Variants in DMRT1 observed in about 807,000 individuals in gnomAD.
DMRT1 encodes doublesex and mab-3 related transcription factor 1.
DMRT1 carries 7 observed loss-of-function variants against 32.3 expected under a neutral mutation model. The observed-to-expected ratio is 0.22, with a 90% CI of 0.12 to 0.41. The LOEUF is 0.41. DMRT1 is among the 10% of genes least tolerant of loss of function. The probability of loss-of-function intolerance (pLI) is 1.00; values close to 1 mark genes in which losing one functional copy is unlikely to be tolerated. For missense variants in DMRT1, 625 were observed against 500.5 expected (o/e 1.25, Z -2.37); for synonymous variants, 278 against 206.1 (o/e 1.35, Z -2.99).
At chr9:943,633 G>A (rs1819149418) in intron 4 of DMRT1, among the ~76,000 whole-genome samples, 1 of 152,178 alleles carries the variant, frequency 6.6e-6, no homozygotes, top group African/African-American at 2.4e-5. Flanking sequence ...TGGGGATGGT[G>A]GGGATATGTA....
At position 929,876 on chromosome 9, in the gene DMRT1, C is replaced by G. The variant is rs531795593; in HGVS notation, c.967+12969C>G. 2.0e-4 allele frequency among the ~76,000 whole-genome samples: 31 copies of G among 152,178 alleles called. No homozygotes were observed. In the South Asian group the frequency reaches 5.2e-3, roughly 25 times the overall value. ...TAGTGTCTGGGCCTAGCATAATGCTCTGGGAGATGAACCATGAGAGAAGGC... is the reference window on the plus strand; with the variant it reads ...TAGTGTCTGGGCCTAGCATAATGCTGTGGGAGATGAACCATGAGAGAAGGC... On this transcript the variant is annotated intron_variant, in intron 4 of 4. Coordinates refer to ENST00000382276, the MANE Select transcript of DMRT1 (RefSeq NM_021951.3).
intron 2 of DMRT1, among the ~76,000 whole-genome samples, chr9:856,119 G>A (rs1002626913): frequency 6.6e-6 from 1 of 152,100 alleles, no homozygotes; most frequent in South Asian, 2.1e-4. Context: ...GTTTCACCAT[G>A]TTGGCCAGGC....
chr9:879,067 T>C (rs532452733), intron 2 of DMRT1, among the ~76,000 whole-genome samples: 18 of 152,300 alleles, frequency 1.2e-4, no homozygotes, highest in Non-Finnish European at 2.4e-4. Context: ...TAGGACTTTA[T>C]TGCTGTCTAC....
chr9:959,428 C>T (rs557815752), intron 4 of DMRT1, among the ~76,000 whole-genome samples: 1 of 152,346 alleles, frequency 6.6e-6, no homozygotes, highest in South Asian at 2.1e-4. Context: ...TGTGTCCAGG[C>T]TTTGCATAGA....
intron 2 of DMRT1, among the ~76,000 whole-genome samples, chr9:867,876 T>C (rs150816242): frequency 6.6e-6 from 1 of 152,244 alleles, no homozygotes; most frequent in Non-Finnish European, 1.5e-5. Flanking sequence ...TGCTGTGTTA[T>C]TAACATACTA....
chr9:849,789 AG>A (rs1839060298), intron 2 of DMRT1, among the ~76,000 whole-genome samples: 1 of 97,142 alleles, frequency 1.0e-5, no homozygotes, highest in Non-Finnish European at 2.3e-5. Flanking sequence ...TGGCTCCGGG[AG>A]CCTTTACCTT....
chr9:876,819 T>C (rs983728542), intron 2 of DMRT1, among the ~76,000 whole-genome samples: 2 of 152,180 alleles, frequency 1.3e-5, no homozygotes, highest in Non-Finnish European at 2.9e-5. Flanking sequence ...GCATGACCAC[T>C]GTGCCCAGGT....
chr9:909,283 TGCATAATA>T (rs1487062691), intron 3 of DMRT1, among the ~76,000 whole-genome samples: 1 of 152,172 alleles, frequency 6.6e-6, no homozygotes, highest in African/African-American at 2.4e-5. Context: ...CTGAAATGTG[TGCATAATA>T]GCAATCATTT....
At chr9:884,744 G>A (rs1280344616) in intron 2 of DMRT1, among the ~76,000 whole-genome samples, 1 of 152,152 alleles carries the variant, frequency 6.6e-6, no homozygotes, top group Non-Finnish European at 1.5e-5. Flanking sequence ...GCCGAGGCAG[G>A]CAGATATTTG....
At chr9:866,166 A>T (rs1815976169) in intron 2 of DMRT1, among the ~76,000 whole-genome samples, 1 of 148,662 alleles carries the variant, frequency 6.7e-6, no homozygotes, top group Non-Finnish European at 1.5e-5. Flanking sequence ...TCCATCTCAA[A>T]AAAAAAAAAA....
intron 2 of DMRT1, among the ~76,000 whole-genome samples, chr9:888,905 T>C (rs1305367076): frequency 6.6e-6 from 1 of 151,194 alleles, no homozygotes; most frequent in African/African-American, 2.4e-5. Flanking sequence ...GGCAGGAGGA[T>C]ATCTTGAGCC....
chr9:857,934 T>C (rs1589455522), intron 2 of DMRT1, among the ~76,000 whole-genome samples: 2 of 152,026 alleles, frequency 1.3e-5, no homozygotes, highest in Non-Finnish European at 2.9e-5. Context: ...GTTTCATCCA[T>C]GTCCCTACAA....
chr9:954,598 TCA>T (rs749843167), intron 4 of DMRT1, among the ~76,000 whole-genome samples: 3 of 150,652 alleles, frequency 2.0e-5, no homozygotes, highest in Non-Finnish European at 2.9e-5. Context: ...GTTGGTAGGT[TCA>T]GTTTTTTTTG....
intron 4 of DMRT1, among the ~76,000 whole-genome samples, chr9:924,964 G>T (rs944684114): frequency 6.6e-6 from 1 of 152,156 alleles, no homozygotes; most frequent in Non-Finnish European, 1.5e-5. Flanking sequence ...GAGCTGTCGG[G>T]CTCCTAACGT....
chr9:952,876 C>T (rs1038907012), intron 4 of DMRT1, among the ~76,000 whole-genome samples: 9 of 152,020 alleles, frequency 5.9e-5, no homozygotes, highest in African/African-American at 1.2e-4. Flanking sequence ...CAAATGTTGG[C>T]GTGTTGGTTA....
intron 4 of DMRT1, among the ~76,000 whole-genome samples, chr9:951,994 T>C (rs1194833159): frequency 6.6e-6 from 1 of 152,222 alleles, no homozygotes; most frequent in African/African-American, 2.4e-5. Context: ...TATATATTTT[T>C]AAAATCACAA....
At chr9:895,356 A>C (rs1214905606) in intron 3 of DMRT1, among the ~76,000 whole-genome samples, 3 of 152,166 alleles carry the variant, frequency 2.0e-5, no homozygotes, top group Non-Finnish European at 2.9e-5. Flanking sequence ...GTTAGACTCA[A>C]CACCTCCAAG....
rs113635590 is a variant in DMRT1 at position 867,740 on chromosome 9, G to A, written c.538+20597G>A. Among the ~76,000 whole-genome samples the A allele has an allele frequency of 3.6e-3, 542 of 152,242 alleles. 4 individuals carry two copies. Among genetic ancestry groups the A allele is most frequent in the African/African-American group, 0.012 (504 of 41,554 alleles). ...ATTGTGGTCATGAGAGTAGTAACTG[G>A]GACCCAGTAGGTGGCCAGGTGGTTT... On this transcript the variant is annotated intron_variant, in intron 2 of 4. Coordinates refer to ENST00000382276, the MANE Select transcript of DMRT1 (RefSeq NM_021951.3).
At chr9:911,019 C>T (rs1817955689) in intron 3 of DMRT1, among the ~76,000 whole-genome samples, 1 of 152,162 alleles carries the variant, frequency 6.6e-6, no homozygotes, top group African/African-American at 2.4e-5. Context: ...TCTTGTCCCT[C>T]AGCAGCACTT....
Sources: gnomAD v4.1 joint callset for allele counts (sites outside exome capture counted in the v4.1 genomes callset) on GRCh38, gnomAD v4.1.1 for gene constraint, MANE v1.5 for transcripts, NCBI Gene and HGNC (gene_info 2026-07-23, HGNC 2026-07-21) for gene names.